DLGAP1: variants seen among roughly 807,000 people sequenced by gnomAD.
The protein encoded by DLGAP1 is disks large-associated protein 1.
DLGAP1 carries 11 observed loss-of-function variants against 90.8 expected under a neutral mutation model. The ratio of observed to expected loss-of-function variants is 0.12; its 90% CI spans 0.08 to 0.20. The LOEUF is 0.20. Ranked by LOEUF, DLGAP1 falls within the 10% of genes least tolerant of loss-of-function variation. DLGAP1 has a pLI of 1.00. For synonymous variants in DLGAP1, 558 were observed against 540.7 expected (o/e 1.03, Z -0.44); for missense variants, 1,050 against 1,333.8 (o/e 0.79, Z 3.31).
At chr18:4,444,274 C>T (rs280980) in intron 1 of DLGAP1, among the ~76,000 whole-genome samples, 1 of 152,172 alleles carries the variant, frequency 6.6e-6, no homozygotes, top group African/African-American at 2.4e-5. Flanking sequence ...ATTCTGAGCA[C>T]AGTAAATTAA....
rs550945791 is a variant in DLGAP1, at chr18:4,333,151, A to AGCAGTTT, written c.-267+121848_-267+121854dup. On this transcript the variant is annotated intron_variant, in intron 1 of 12. Transcript: ENST00000315677. ...ATTTACTTAGCTCACGATTCTGCTG[A>AGCAGTTT]GCAGTTTGTCTGGCCTGGTTAGGTA... 6.0e-4 allele frequency among the ~76,000 whole-genome samples: 92 copies of AGCAGTTT among 152,134 alleles called. 1 individual carries two copies. Among genetic ancestry groups the AGCAGTTT allele is most frequent in the African/African-American group, 2.1e-3 (85 of 41,388 alleles).
At chr18:3,669,545 C>T (rs2060006644) in intron 7 of DLGAP1, among the ~76,000 whole-genome samples, 1 of 152,208 alleles carries the variant, frequency 6.6e-6, no homozygotes, top group Non-Finnish European at 1.5e-5. Context: ...GAGAGCATGT[C>T]TGCGGAAGAG....
intron 2 of DLGAP1, among the ~76,000 whole-genome samples, chr18:4,011,187 A>AG (rs1199430906): frequency 2.0e-5 from 3 of 151,446 alleles, no homozygotes. Flanking sequence ...AAAAAAAAAA[A>AG]AAAAAAAAAA....
At chr18:4,162,335 G>A (rs1363114288) in intron 1 of DLGAP1, among the ~76,000 whole-genome samples, 1 of 152,114 alleles carries the variant, frequency 6.6e-6, no homozygotes, top group Non-Finnish European at 1.5e-5. Context: ...TGGTACCAAT[G>A]GAGAGATGAT....
chr18:3,546,088 T>A (rs2052996529), intron 9 of DLGAP1, among the ~76,000 whole-genome samples: 1 of 152,086 alleles, frequency 6.6e-6, no homozygotes, highest in Admixed American at 6.6e-5. Flanking sequence ...TATAGAAGAA[T>A]TCAGCAGCTA....
chr18:3,807,476 G>A (rs1268085181), intron 5 of DLGAP1, among the ~76,000 whole-genome samples: 4 of 152,018 alleles, frequency 2.6e-5, no homozygotes, highest in Non-Finnish European at 5.9e-5. Context: ...TTGTAAAATG[G>A]GCAAAATTGC....
At chr18:3,795,340 AG>A (rs1324871059) in intron 5 of DLGAP1, among the ~76,000 whole-genome samples, 3 of 151,982 alleles carry the variant, frequency 2.0e-5, no homozygotes, top group Non-Finnish European at 4.4e-5. Flanking sequence ...TTTTTGAGAC[AG>A]GGTCTCTCTC....
intron 1 of DLGAP1, among the ~76,000 whole-genome samples, chr18:4,272,285 A>G (rs987311472): frequency 3.3e-5 from 5 of 152,210 alleles, no homozygotes; most frequent in African/African-American, 1.2e-4. Context: ...TTTTTTGAAG[A>G]ATGCATCAAA....
chr18:3,792,589 G>A (rs535475124), intron 5 of DLGAP1, among the ~76,000 whole-genome samples: 63 of 152,238 alleles, frequency 4.1e-4, no homozygotes, highest in Admixed American at 3.7e-3. Flanking sequence ...TTTGGACCTT[G>A]AGCTCTGCAA....
chr18:4,040,818 G>T (rs1484307692), intron 2 of DLGAP1, among the ~76,000 whole-genome samples: 1 of 152,182 alleles, frequency 6.6e-6, no homozygotes, highest in Non-Finnish European at 1.5e-5. Context: ...TTCTTTTTAG[G>T]CAAGTTTCAA....
intron 3 of DLGAP1, among the ~76,000 whole-genome samples, chr18:3,895,502 A>G (rs1449609112): frequency 2.0e-5 from 3 of 152,232 alleles, no homozygotes; most frequent in Admixed American, 6.5e-5. Flanking sequence ...TCGAGTTTGC[A>G]TCAGAATCAG....
intron 7 of DLGAP1, among the ~76,000 whole-genome samples, chr18:3,677,708 G>A (rs1167049887): frequency 6.6e-6 from 1 of 152,000 alleles, no homozygotes; most frequent in Non-Finnish European, 1.5e-5. Context: ...GCCCAGGCTG[G>A]AGTGCAATAG....
intron 1 of DLGAP1, among the ~76,000 whole-genome samples, chr18:4,216,605 T>C (rs1195565150): frequency 6.6e-6 from 1 of 152,164 alleles, no homozygotes; most frequent in Non-Finnish European, 1.5e-5. Flanking sequence ...AGTTACCTTG[T>C]ACTATCTTTG....
intron 1 of DLGAP1, among the ~76,000 whole-genome samples, chr18:4,178,189 G>A (rs1052760680): frequency 3.2e-4 from 45 of 141,922 alleles, no homozygotes; most frequent in Non-Finnish European, 2.4e-4. Context: ...GAAATCCTAC[G>A]GGTCCTGGAA....
At chr18:4,106,918 G>C (rs1463978884) in intron 2 of DLGAP1, among the ~76,000 whole-genome samples, 2 of 152,154 alleles carry the variant, frequency 1.3e-5, no homozygotes, top group Non-Finnish European at 2.9e-5. Context: ...GATCAATCCG[G>C]AGTGTATAAT....
intron 3 of DLGAP1, among the ~76,000 whole-genome samples, chr18:4,003,456 G>GTTT (rs2074239275): frequency 1.2e-5 from 1 of 84,648 alleles, no homozygotes. Flanking sequence ...TTTTTTTTTG[G>GTTT]AAGTTAACAG....
chr18:3,936,127 C>T (rs929683738), intron 3 of DLGAP1, among the ~76,000 whole-genome samples: 1 of 152,174 alleles, frequency 6.6e-6, no homozygotes, highest in Admixed American at 6.5e-5. Context: ...AGAGACTTAT[C>T]TGCCACATCA....
intron 2 of DLGAP1, among the ~76,000 whole-genome samples, chr18:4,135,828 A>T (rs140919139): frequency 0.014 from 1,973 of 140,532 alleles, 42 homozygotes; most frequent in African/African-American, 0.047. Flanking sequence ...AGTATTCCAT[A>T]ATGTATACCT....
At chr18:3,749,089 T>G (rs963152951) in intron 5 of DLGAP1, among the ~76,000 whole-genome samples, 3 of 151,756 alleles carry the variant, frequency 2.0e-5, no homozygotes, top group African/African-American at 7.3e-5. Context: ...ACATTCCTAT[T>G]CTGTCTTCTC....
Sources: allele counts gnomAD v4.1 joint callset (sites outside exome capture counted in the v4.1 genomes callset), GRCh38; gene constraint gnomAD v4.1.1; transcripts MANE v1.5; gene names NCBI Gene and HGNC (gene_info 2026-07-23, HGNC 2026-07-21).